Variants in ANK3 observed in about 807,000 individuals in gnomAD.
ANK3 encodes ankyrin 3, also known as ankyrin-3.
A neutral mutation model predicts 370.9 loss-of-function variants in ANK3; 57 were observed. The ratio of observed to expected loss-of-function variants is 0.15; its 90% CI spans 0.12 to 0.19. The LOEUF (loss-of-function observed/expected upper bound fraction) is 0.19, where lower values mean the gene tolerates loss of function less well. Ranked by LOEUF, ANK3 falls within the 10% of genes least tolerant of loss-of-function variation. The probability of loss-of-function intolerance (pLI) is 1.00; values close to 1 mark genes in which losing one functional copy is unlikely to be tolerated. For synonymous variants in ANK3, 1,929 were observed against 1,946.3 expected (o/e 0.99, Z 0.23); for missense variants, 4,439 against 5,302.1 (o/e 0.84, Z 5.06).
intron 2 of ANK3, among the ~76,000 whole-genome samples, chr10:60,565,172 G>T (rs902008392): frequency 2.6e-5 from 4 of 152,070 alleles, no homozygotes; most frequent in African/African-American, 9.7e-5. Flanking sequence ...GGCTCCAATG[G>T]CATCAGAGAC....
rs375591718 is a variant in ANK3 at position 60,109,067 on chromosome 10, G to T, written c.2949-13C>A. On this transcript the variant is annotated splice_polypyrimidine_tract_variant and intron_variant, in intron 26 of 43. Coordinates refer to ENST00000280772, the MANE Select transcript of ANK3 (RefSeq NM_020987.5). ...GCTAACCAGAAACCTGAGGGGAGAA[G>T]ATCAGAGGCCAATTCAAGGACGGAA... is the stretch of plus-strand genomic sequence containing the variant. 268 of 1,602,742 alleles carry T rather than the reference G, an allele frequency of 1.7e-4. No homozygotes were observed. Among genetic ancestry groups the T allele is most frequent in the Non-Finnish European group, 2.1e-4 (248 of 1,171,378 alleles).
intron 1 of ANK3, among the ~76,000 whole-genome samples, chr10:60,677,582 A>G (rs1343884574): frequency 6.6e-6 from 1 of 152,172 alleles, no homozygotes; most frequent in Non-Finnish European, 1.5e-5. Context: ...CCAGTTTTCA[A>G]AGAAATAAGT....
At chr10:60,586,427 GT>G (rs199848236) in intron 2 of ANK3, among the ~76,000 whole-genome samples, 23 of 152,206 alleles carry the variant, frequency 1.5e-4, no homozygotes, top group South Asian at 1.5e-3. Context: ...CCAAACGGGA[GT>G]TTTTTTGTGG....
chr10:60,092,692 T>G (rs1294423900), intron 28 of ANK3, among the ~76,000 whole-genome samples: 1 of 152,244 alleles, frequency 6.6e-6, no homozygotes, highest in East Asian at 1.9e-4. Context: ...ACCTAAACAC[T>G]GAAATCCTAG....
At chr10:60,576,631 A>G (rs2077686207) in intron 2 of ANK3, among the ~76,000 whole-genome samples, 1 of 152,216 alleles carries the variant, frequency 6.6e-6, no homozygotes, top group Non-Finnish European at 1.5e-5. Flanking sequence ...ACTTACTGTA[A>G]TTTACACTGC....
chr10:60,082,711 A>G lies in ANK3; in HGVS notation c.4227T>C (p.Cys1409=). Residue 1409 remains cysteine (C), a synonymous_variant, in exon 34 of 44, where the codon TGT becomes TGC. Transcript: ENST00000280772. ...IKIRDTSQEP[C]GRLSFLKEPK... is the part of the protein sequence containing the mutation. Reference sequence around the variant, plus strand: ...GTTCTTTCAGAAAAGACAGACGACCACAGGGCTCTTGGCTGGTGTCTCTAA... The same window carrying G: ...GTTCTTTCAGAAAAGACAGACGACCGCAGGGCTCTTGGCTGGTGTCTCTAA... 2 of 1,614,060 alleles carry G rather than the reference A, an allele frequency of 1.2e-6. No individual in the cohort carries two copies. Among genetic ancestry groups the G allele is most frequent in the Non-Finnish European group, 1.7e-6 (2 of 1,179,952 alleles).
intron 25 of ANK3, among the ~76,000 whole-genome samples, chr10:60,131,084 G>C (rs777061177): frequency 6.6e-6 from 1 of 152,138 alleles, no homozygotes; most frequent in Non-Finnish European, 1.5e-5. Context: ...GAAAACTTCA[G>C]CATGCATACC....
At chr10:60,133,211 A>C (rs575506216) in intron 25 of ANK3, among the ~76,000 whole-genome samples, 10 of 152,362 alleles carry the variant, frequency 6.6e-5, no homozygotes, top group African/African-American at 2.4e-4. Flanking sequence ...CAAAAAGCCC[A>C]GCATGATTTC....
At chr10:60,373,996 C>T (rs1029668155) in intron 1 of ANK3, among the ~76,000 whole-genome samples, 36 of 152,270 alleles carry the variant, frequency 2.4e-4, no homozygotes, top group African/African-American at 8.7e-4. Flanking sequence ...TGTGTACCCA[C>T]TATCATTTCT....
Position 60,026,804 on chromosome 10 carries a change from AT to A in ANK3, c.*3041del, listed in dbSNP as rs2072426539. On this transcript the variant is annotated 3_prime_UTR_variant, in exon 44 of 44. Coordinates refer to ENST00000280772, the MANE Select transcript of ANK3 (RefSeq NM_020987.5). ...GTGATAGCACATTTTAATTTAACAA[AT>A]TCAATAATTTAGTAAGAATATAAAA... is the stretch of plus-strand genomic sequence containing the variant. 1 of 152,238 alleles carries A rather than the reference AT, an allele frequency of 6.6e-6. No individual in the cohort carries two copies. Among genetic ancestry groups the A allele is most frequent in the Admixed American group, 6.5e-5 (1 of 15,290 alleles). The allele number at this position is 152,238 out of a possible 1,614,324, so 9.4% of individuals were successfully genotyped here. A position where few individuals can be genotyped will look rare whatever the true frequency, so the allele number is the denominator to read the frequency against.
In ANK3 at chr10:60,291,472, C is replaced by T. The variant is rs562452078; in HGVS notation, c.115-11833G>A. ...CTGTGCTGCAGACACAAAGTCACTA[C>T]GCTGTATTAGGCAGAAAGCCATAAA... On this transcript the variant is annotated intron_variant, in intron 1 of 43. Transcript: ENST00000280772. Among the ~76,000 whole-genome samples, 20 of 152,090 alleles carry T rather than the reference C, an allele frequency of 1.3e-4. No individual in the cohort carries two copies. The East Asian group carries it at 1.9e-3, about 15-fold the overall frequency.
rs143918866 is a variant in ANK3 at position 60,424,908 on chromosome 10, A to G, written c.97-145269T>C. 7.6e-3 allele frequency among the ~76,000 whole-genome samples: 1,151 copies of G among 152,154 alleles called. 7 individuals carry two copies. The highest frequency in any genetic ancestry group is 0.014 in the Middle Eastern group (4 of 294). ...ACTTTGTAATCAATTTCTTCTTTCA[A>G]TTGTATACACAGAAAGGCATATATG... On this transcript the variant is annotated intron_variant, in intron 2 of 43. Coordinates refer to the ANK3 transcript ENST00000373827.
intron 23 of ANK3, among the ~76,000 whole-genome samples, chr10:60,148,992 G>A (rs994691552): frequency 2.0e-5 from 3 of 152,178 alleles, no homozygotes; most frequent in South Asian, 2.1e-4. Context: ...ACAGGAACAC[G>A]TTAATCACTG....
chr10:60,049,025 G>A (rs2077413113), intron 42 of ANK3, among the ~76,000 whole-genome samples: 1 of 152,146 alleles, frequency 6.6e-6, no homozygotes, highest in African/African-American at 2.4e-5. Flanking sequence ...AGCAACATAT[G>A]GAGTAAAGAG....
intron 2 of ANK3, among the ~76,000 whole-genome samples, chr10:60,567,026 C>A (rs2077479396): frequency 6.6e-6 from 1 of 152,230 alleles, no homozygotes; most frequent in South Asian, 2.1e-4. Context: ...AGGAAAGAAG[C>A]TGTCTTCATA....
In ANK3 at chr10:60,389,830, G is replaced by A. The variant is rs962827310; in HGVS notation, c.-292C>T. 9.4e-6 allele frequency: 11 copies of A among 1,174,242 alleles called. No individual in the cohort carries two copies. Among genetic ancestry groups the A allele is most frequent in the South Asian group, 2.5e-5 (1 of 39,526 alleles). The allele number at this position is 1,174,242 out of a possible 1,614,324, so 72.7% of individuals were successfully genotyped here. ...GAAGAAGACAGCTGGGACAGAGGAAGCTGTATTATGGCTGTATCCCCTGCC... is the reference window on the plus strand; with the variant it reads ...GAAGAAGACAGCTGGGACAGAGGAAACTGTATTATGGCTGTATCCCCTGCC... On this transcript the variant is annotated 5_prime_UTR_variant, in exon 1 of 44. Coordinates refer to ENST00000280772, the MANE Select transcript of ANK3 (RefSeq NM_020987.5).
intron 2 of ANK3, among the ~76,000 whole-genome samples, chr10:60,478,306 T>C: frequency 6.6e-6 from 1 of 152,120 alleles, no homozygotes; most frequent in African/African-American, 2.4e-5. Context: ...TTCCTGATTT[T>C]GTTCGTAACA....
intron 2 of ANK3, among the ~76,000 whole-genome samples, chr10:60,534,912 A>C (rs2076689000): frequency 6.6e-6 from 1 of 152,126 alleles, no homozygotes; most frequent in Admixed American, 6.6e-5. Context: ...ACAAACTCAA[A>C]ACAAAAATCC....
At chr10:60,474,071 T>G (rs1279286217) in intron 2 of ANK3, among the ~76,000 whole-genome samples, 1 of 151,436 alleles carries the variant, frequency 6.6e-6, no homozygotes, top group Admixed American at 6.6e-5. Context: ...AGTTCGAGGC[T>G]GCAGTGAGCT....
Sources: gnomAD v4.1 joint callset for allele counts (sites outside exome capture counted in the v4.1 genomes callset) on GRCh38, gnomAD v4.1.1 for gene constraint, MANE v1.5 for transcripts, NCBI Gene and HGNC (gene_info 2026-07-23, HGNC 2026-07-21) for gene names.